Variants in MCOLN2 observed in about 807,000 individuals in gnomAD.
MCOLN2 encodes the protein mucolipin-2.
A neutral mutation model predicts 67.5 loss-of-function variants in MCOLN2; 57 were observed. The ratio of observed to expected loss-of-function variants is 0.84; its 90% CI spans 0.68 to 1.05. The LOEUF (loss-of-function observed/expected upper bound fraction) is 1.05. Ranked by LOEUF, MCOLN2 falls within the 50% of genes least tolerant of loss-of-function variation. MCOLN2 has a pLI of 0.00. For missense variants in MCOLN2, 620 were observed against 678.8 expected, an observed-to-expected ratio of 0.91 and a Z score of 0.96; for synonymous variants, 246 against 233.3, an observed-to-expected ratio of 1.05 and a Z score of -0.50.
At chr1:84,931,337 G>A (rs1361255731) in intron 12 of MCOLN2, 25 bp downstream of exon 12, 2 of 1,326,618 alleles carry the variant, frequency 1.5e-6, no homozygotes. Context: ...TGATTTTTTG[G>A]CAGCAAATTT....
chr1:84,970,838 G>A (rs1240086445), intron 1 of MCOLN2, among the ~76,000 whole-genome samples: 3 of 152,216 alleles, frequency 2.0e-5, no homozygotes, highest in African/African-American at 7.2e-5. Context: ...TGGAAACAGA[G>A]AGTGCTTGAT....
Position 84,947,139 on chromosome 1 carries a change from A to C in MCOLN2, c.748-7T>G. On this transcript the variant is annotated splice_polypyrimidine_tract_variant and splice_region_variant and intron_variant, in intron 6 of 13. Coordinates refer to ENST00000370608, the MANE Select transcript of MCOLN2 (RefSeq NM_153259.4). ...CTTTATTGTCAAAGATAATCTGGAGACACAAATGTATAGCGAGATTACAAC... is the reference window on the plus strand; with the variant it reads ...CTTTATTGTCAAAGATAATCTGGAGCCACAAATGTATAGCGAGATTACAAC... The C allele has an allele frequency of 7.2e-7, 1 of 1,386,680 alleles. No individual in the cohort carries two copies. Among genetic ancestry groups the C allele is most frequent in the Non-Finnish European group, 1.0e-6 (1 of 974,360 alleles). The allele number at this position is 1,386,680 out of a possible 1,614,324, so 85.9% of individuals were successfully genotyped here.
chr1:84,941,090 T>A (rs929179143), intron 7 of MCOLN2, 99 bp from the exon 8 acceptor site: 4 of 732,284 alleles, frequency 5.5e-6, no homozygotes, highest in Admixed American at 2.7e-5. Flanking sequence ...CAATAAATGT[T>A]TTGTCTATTG....
intron 1 of MCOLN2, among the ~76,000 whole-genome samples, chr1:84,966,824 T>G (rs1026125270): frequency 6.6e-6 from 1 of 152,044 alleles, no homozygotes; most frequent in Non-Finnish European, 1.5e-5. Context: ...CAAAGTGGAG[T>G]GCCGAAAACA....
In MCOLN2 at chr1:84,926,570, C is replaced by G. The variant is rs1661166681; in HGVS notation, c.*115G>C. 1 of 651,006 alleles carries G rather than the reference C, an allele frequency of 1.5e-6. No homozygotes were observed. Among genetic ancestry groups the G allele is most frequent in the Non-Finnish European group, 2.5e-6 (1 of 398,276 alleles). 40.3% of individuals were successfully genotyped at this position (651,006 alleles called of 1,614,324 possible). A position where few individuals can be genotyped will look rare whatever the true frequency, so the allele number is the denominator to read the frequency against. On this transcript the variant is annotated 3_prime_UTR_variant, in exon 14 of 14. Coordinates refer to ENST00000370608, the MANE Select transcript of MCOLN2 (RefSeq NM_153259.4). ...CTGGCTAACTGTGAGTCCTCTTTCC[C>G]ACTCCACAATTAAATAAGAGAGTCA... is the stretch of plus-strand genomic sequence containing the variant.
intron 1 of MCOLN2, among the ~76,000 whole-genome samples, chr1:84,989,511 C>T (rs1034427143): frequency 1.3e-5 from 2 of 151,898 alleles, no homozygotes; most frequent in African/African-American, 2.4e-5. Context: ...AAATAATTTG[C>T]TATCCATTTG....
intron 1 of MCOLN2, among the ~76,000 whole-genome samples, chr1:84,989,709 A>G (rs1650790690): frequency 6.6e-6 from 1 of 152,208 alleles, no homozygotes; most frequent in South Asian, 2.1e-4. Context: ...TAAGACTTCA[A>G]AAAGTTAAAA....
chr1:84,960,106 G>T (rs599137), intron 2 of MCOLN2, among the ~76,000 whole-genome samples: 8,775 of 152,086 alleles, frequency 0.058, 875 homozygotes, highest in African/African-American at 0.2. Flanking sequence ...TTTTTTCATG[G>T]TTTACATTTT....
At chr1:84,996,296 C>CT (rs893096884) in intron 1 of MCOLN2, among the ~76,000 whole-genome samples, 7 of 151,348 alleles carry the variant, frequency 4.6e-5, no homozygotes, top group African/African-American at 1.7e-4. Context: ...TCTTACTAAC[C>CT]TTTTCTTCCA....
chr1:84,935,659 TG>T (rs1265954378), intron 11 of MCOLN2, among the ~76,000 whole-genome samples: 14 of 152,364 alleles, frequency 9.2e-5, no homozygotes, highest in South Asian at 2.1e-4. Context: ...TAATTTCATC[TG>T]TTTTTTTATT....
In MCOLN2 at chr1:84,962,908, C is replaced by T. The variant is rs116429969; in HGVS notation, c.237+2641G>A. On this transcript the variant is annotated intron_variant, in intron 2 of 13. Coordinates refer to ENST00000370608, the MANE Select transcript of MCOLN2 (RefSeq NM_153259.4). ...GAGTGACACAATAAAGTCTATTCTA[C>T]GAAAAATTAAGCTGATATTAGCATC... Among the ~76,000 whole-genome samples the T allele has an allele frequency of 1.8e-3, 281 of 152,146 alleles. 1 individual carries two copies. The highest frequency in any genetic ancestry group is 5.9e-3 in the African/African-American group (246 of 41,524).
At chr1:84,987,860 A>G (rs1350304306) in intron 1 of MCOLN2, among the ~76,000 whole-genome samples, 2 of 151,934 alleles carry the variant, frequency 1.3e-5, no homozygotes, top group Non-Finnish European at 2.9e-5. Context: ...GGTGTGAGCT[A>G]AGCTGTGAGG....
Position 84,987,408 on chromosome 1 carries a change from T to G in MCOLN2, c.77+9388A>C, listed in dbSNP as rs1225440662. The stretch of plus-strand genomic sequence containing the variant: ...TATATACATATGTATATAGATATAT[T>G]TATATATGTATATACCTATATACGT... On this transcript the variant is annotated intron_variant, in intron 1 of 13. Coordinates refer to ENST00000370608, the MANE Select transcript of MCOLN2 (RefSeq NM_153259.4). Among the ~76,000 whole-genome samples, 2 of 115,410 alleles carry G rather than the reference T, an allele frequency of 1.7e-5. 1 individual carries two copies. Among genetic ancestry groups the G allele is most frequent in the African/African-American group, 7.0e-5 (2 of 28,736 alleles). 75.7% of individuals were successfully genotyped at this position (115,410 alleles called of 152,430 possible).
chr1:84,940,914 T>C lies in MCOLN2; in HGVS notation c.925A>G (p.Thr309Ala), dbSNP rs757861633. The C allele has an allele frequency of 6.2e-7, 1 of 1,613,438 alleles. No individual in the cohort carries two copies. ...CTTAGAGCAAGAACAATGGATCTTG[T>C]ACACAGAATAAGAGATGCCAAGCAA... ...VICLASLILC[T>A]RSIVLALRLR... is the part of the protein sequence containing the mutation. Residue 309 changes from threonine (T) to alanine (A), a missense_variant, in exon 8 of 14, where the codon ACA becomes GCA. Coordinates refer to ENST00000370608, the MANE Select transcript of MCOLN2 (RefSeq NM_153259.4).
At chr1:84,990,715 T>G (rs1331569841) in intron 1 of MCOLN2, among the ~76,000 whole-genome samples, 2 of 152,004 alleles carry the variant, frequency 1.3e-5, no homozygotes, top group African/African-American at 4.8e-5. Flanking sequence ...CCCAGGAGTT[T>G]GAGACCAGTC....
chr1:84,926,797 T>C (rs1292615398), intron 13 of MCOLN2, 76 bp from the exon 14 acceptor site: 1 of 1,130,840 alleles, frequency 8.8e-7, no homozygotes, highest in Non-Finnish European at 1.3e-6. Flanking sequence ...AGGAATACTC[T>C]ATATTCTAGG....
At chr1:84,973,687 G>A (rs72944599) in intron 1 of MCOLN2, among the ~76,000 whole-genome samples, 3,645 of 152,142 alleles carry the variant, frequency 0.024, 137 homozygotes, top group African/African-American at 0.082. Context: ...TAACCCTTGC[G>A]AAATAGGCAA....
chr1:84,956,351 C>G, intron 4 of MCOLN2, 80 bp downstream of exon 4: 1 of 1,447,192 alleles, frequency 6.9e-7, no homozygotes, highest in South Asian at 1.2e-5. Context: ...GTTTTTCCAT[C>G]TGGGTTGCTA....
At chr1:84,943,696 C>T (rs1444278709) in intron 7 of MCOLN2, among the ~76,000 whole-genome samples, 1 of 152,198 alleles carries the variant, frequency 6.6e-6, no homozygotes, top group South Asian at 2.1e-4. Context: ...CTGGTAAATG[C>T]AACTCTCTGA....
Sources: gnomAD v4.1 joint callset for allele counts (sites outside exome capture counted in the v4.1 genomes callset) on GRCh38, gnomAD v4.1.1 for gene constraint, MANE v1.5 for transcripts, NCBI Gene and HGNC (gene_info 2026-07-23, HGNC 2026-07-21) for gene names.